The following OR51C1 variants were observed in gnomAD, a reference collection of about 807,000 sequenced individuals.
The protein encoded by OR51C1 is olfactory receptor family 51 subfamily C member 1.
the OR51C1 span, chr11:4,691,176 A>T: frequency 2.2e-6 from 1 of 456,624 alleles, no homozygotes; most frequent in Non-Finnish European, 4.4e-6. Flanking sequence ...GGAGTGGTGG[A>T]GTACTTGGCT....
the OR51C1 span, among the ~76,000 whole-genome samples, chr11:4,696,489 G>A: frequency 6.6e-6 from 1 of 152,100 alleles, no homozygotes; most frequent in African/African-American, 2.4e-5. Flanking sequence ...ATATAAGAAG[G>A]CCAAGCAATT....
At chr11:4,695,568 T>C in the OR51C1 span, among the ~76,000 whole-genome samples, 1 of 152,198 alleles carries the variant, frequency 6.6e-6, no homozygotes, top group Admixed American at 6.5e-5. Flanking sequence ...TGTTTATTAT[T>C]CCTTCACCTT....
At chr11:4,691,277 T>C in the OR51C1 span, 1 of 457,138 alleles carries the variant, frequency 2.2e-6, no homozygotes, top group East Asian at 7.0e-5. Flanking sequence ...TTTGAGCTAT[T>C]CTGGAGTCAG....
the OR51C1 span, chr11:4,690,504 A>G: frequency 5.1e-6 from 1 of 197,578 alleles, no homozygotes; most frequent in Non-Finnish European, 1.0e-5. Context: ...CAGTGGTGTG[A>G]GAAGGAGAAA....
the OR51C1 span, among the ~76,000 whole-genome samples, chr11:4,695,390 T>C: frequency 2.6e-5 from 4 of 152,320 alleles, no homozygotes; most frequent in Non-Finnish European, 4.4e-5. Context: ...CACAGTTTTG[T>C]ATAGATATTT....
the OR51C1 span, among the ~76,000 whole-genome samples, chr11:4,695,348 A>G: frequency 4.9e-3 from 743 of 152,294 alleles, 1 homozygote; most frequent in Non-Finnish European, 8.1e-3. Context: ...GCAATACTCA[A>G]GTTTTACTCT....
chr11:4,692,378 G>T, the OR51C1 span, among the ~76,000 whole-genome samples: 1 of 152,212 alleles, frequency 6.6e-6, no homozygotes, highest in East Asian at 1.9e-4. Context: ...AAGACAGGAG[G>T]CTGCCCCCAC....
the OR51C1 span, among the ~76,000 whole-genome samples, chr11:4,695,702 A>G: frequency 6.6e-5 from 10 of 151,730 alleles, no homozygotes; most frequent in East Asian, 1.9e-3. Flanking sequence ...CCTCATCTCA[A>G]CTTTCAGCAA....
the OR51C1 span, chr11:4,690,963 A>C: frequency 2.2e-6 from 1 of 454,240 alleles, no homozygotes; most frequent in Non-Finnish European, 4.4e-6. Context: ...AAAAGCCACA[A>C]TGTGGGAGAC....
the OR51C1 span, among the ~76,000 whole-genome samples, chr11:4,695,489 T>G: frequency 2.6e-5 from 4 of 152,194 alleles, no homozygotes; most frequent in Non-Finnish European, 5.9e-5. Context: ...ACATAAGCCC[T>G]GTTTCTCTCT....
chr11:4,695,320 G>A, the OR51C1 span, among the ~76,000 whole-genome samples: 2 of 152,044 alleles, frequency 1.3e-5, no homozygotes, highest in Non-Finnish European at 2.9e-5. Context: ...AGTGCCATTG[G>A]TTGCTTTTTT....
At chr11:4,696,192 G>A in the OR51C1 span, among the ~76,000 whole-genome samples, 1 of 152,144 alleles carries the variant, frequency 6.6e-6, no homozygotes, top group Non-Finnish European at 1.5e-5. Context: ...GGCTACCCCT[G>A]AGGGACATCT....
the OR51C1 span, chr11:4,691,172 G>A: frequency 2.2e-6 from 1 of 456,794 alleles, no homozygotes; most frequent in Non-Finnish European, 4.4e-6. Context: ...AGTAGGAGTG[G>A]TGGAGTACTT....
chr11:4,693,982 G>C, the OR51C1 span, among the ~76,000 whole-genome samples: 1 of 152,296 alleles, frequency 6.6e-6, no homozygotes, highest in Non-Finnish European at 1.5e-5. Flanking sequence ...TGAAAGTACA[G>C]AGGGGCTCCA....
At chr11:4,696,268 C>G in the OR51C1 span, among the ~76,000 whole-genome samples, 49 of 152,264 alleles carry the variant, frequency 3.2e-4, no homozygotes, top group Non-Finnish European at 5.1e-4. Context: ...CTCTCGTCCC[C>G]TCCAAACCTG....
the OR51C1 span, among the ~76,000 whole-genome samples, chr11:4,697,048 A>G: frequency 6.6e-6 from 1 of 152,354 alleles, no homozygotes; most frequent in East Asian, 1.9e-4. Context: ...TTTAATTCTT[A>G]CTATGTCATC....
At chr11:4,696,754 C>T in the OR51C1 span, among the ~76,000 whole-genome samples, 7 of 152,146 alleles carry the variant, frequency 4.6e-5, no homozygotes, top group East Asian at 3.9e-4. Flanking sequence ...TCTGCCCACT[C>T]GGATTACAAT....
the OR51C1 span, among the ~76,000 whole-genome samples, chr11:4,695,535 T>G: frequency 6.6e-6 from 1 of 152,202 alleles, no homozygotes; most frequent in South Asian, 2.1e-4. Context: ...GGATAAAAAT[T>G]CCTTTGGAGA....
the OR51C1 span, chr11:4,692,076 C>T: frequency 4.6e-5 from 19 of 409,636 alleles, no homozygotes; most frequent in Non-Finnish European, 8.6e-5. Context: ...TTAAATTGTG[C>T]TAAAGAGGTA....
Sources: allele counts gnomAD v4.1 joint callset (sites outside exome capture counted in the v4.1 genomes callset), GRCh38; gene constraint gnomAD v4.1.1; transcripts MANE v1.5; gene names NCBI Gene and HGNC (gene_info 2026-07-23, HGNC 2026-07-21).